Variants in CA13 observed in about 807,000 individuals in gnomAD.
CA13 encodes carbonic anhydrase 13.
Under a neutral mutation model 31.5 loss-of-function variants are expected in CA13, and 21 were observed. The ratio of observed to expected loss-of-function variants is 0.67; its 90% CI spans 0.47 to 0.96. The LOEUF (loss-of-function observed/expected upper bound fraction) is 0.96. Ranked by LOEUF, CA13 falls within the 40% of genes least tolerant of loss-of-function variation. The probability of loss-of-function intolerance (pLI) is 0.00; values close to 1 mark genes in which losing one functional copy is unlikely to be tolerated. For missense variants in CA13, 315 were observed against 318.9 expected (o/e 0.99, Z 0.09); for synonymous variants, 117 against 111.4 (o/e 1.05, Z -0.32).
chr8:85,248,590 G>T (rs554974817), intron 1 of CA13, among the ~76,000 whole-genome samples: 2 of 152,082 alleles, frequency 1.3e-5, no homozygotes, highest in Non-Finnish European at 2.9e-5. Flanking sequence ...GGGGGGACAA[G>T]GAGAAGGAGG....
intron 3 of CA13, among the ~76,000 whole-genome samples, chr8:85,260,830 C>T (rs1329571990): frequency 6.6e-6 from 1 of 152,188 alleles, no homozygotes; most frequent in African/African-American, 2.4e-5. Context: ...AAAGCGCCCT[C>T]GGAACTAATT....
At chr8:85,254,210 G>T (rs1056240133) in intron 2 of CA13, among the ~76,000 whole-genome samples, 2 of 150,306 alleles carry the variant, frequency 1.3e-5, no homozygotes, top group Non-Finnish European at 3.0e-5. Flanking sequence ...CCCAGGAGGC[G>T]CAGGTTGCAG....
rs369594146 is a variant in CA13 at position 85,245,823 on chromosome 8, G to C, written c.-6G>C. 1 of 1,614,102 alleles carries C rather than the reference G, an allele frequency of 6.2e-7. No homozygotes were observed. Among genetic ancestry groups the C allele is most frequent in the Non-Finnish European group, 8.5e-7 (1 of 1,179,992 alleles). ...CATCTTTCTCTTCCTTCCACCCCGAGGGACCATGTCGAGGCTCAGCTGGGG... is the reference window on the plus strand; with the variant it reads ...CATCTTTCTCTTCCTTCCACCCCGACGGACCATGTCGAGGCTCAGCTGGGG... On this transcript the variant is annotated 5_prime_UTR_variant, in exon 1 of 7. Coordinates refer to ENST00000321764, the MANE Select transcript of CA13 (RefSeq NM_198584.3).
At chr8:85,268,223 T>A (rs1243406864) in intron 5 of CA13, among the ~76,000 whole-genome samples, 1 of 152,222 alleles carries the variant, frequency 6.6e-6, no homozygotes, top group Non-Finnish European at 1.5e-5. Flanking sequence ...TTGTAACACA[T>A]TTAAGGGACC....
At chr8:85,272,826 C>A (rs535524984) in intron 6 of CA13, among the ~76,000 whole-genome samples, 1 of 151,552 alleles carries the variant, frequency 6.6e-6, no homozygotes, top group African/African-American at 2.4e-5. Context: ...CTTTTCTTTT[C>A]TTTTTGTTTC....
chr8:85,278,186 A>T (rs1418448064), intron 6 of CA13, among the ~76,000 whole-genome samples: 2 of 150,340 alleles, frequency 1.3e-5, no homozygotes, highest in South Asian at 2.1e-4. Flanking sequence ...GAATTGCTTG[A>T]ACCCAGGAGG....
intron 6 of CA13, among the ~76,000 whole-genome samples, chr8:85,274,738 T>A (rs1052717257): frequency 6.6e-6 from 1 of 152,182 alleles, no homozygotes; most frequent in South Asian, 2.1e-4. Flanking sequence ...CTAATTGTTC[T>A]ATTTAGCCTA....
intron 1 of CA13, chr8:85,246,452 T>A (rs756999547): frequency 1.1e-5 from 5 of 455,942 alleles, no homozygotes; most frequent in African/African-American, 8.0e-5. Context: ...TACTGGGGAC[T>A]TTAGTAAGGG....
At chr8:85,246,217 G>A in intron 1 of CA13, 1 of 476,516 alleles carries the variant, frequency 2.1e-6, no homozygotes, top group Non-Finnish European at 4.0e-6. Context: ...GAAGTCTGAT[G>A]ACACACTTCA....
intron 1 of CA13, 99 bp downstream of exon 1, chr8:85,245,964 T>C: frequency 7.3e-7 from 1 of 1,378,838 alleles, no homozygotes; most frequent in Non-Finnish European, 1.0e-6. Context: ...GGCTCGCACA[T>C]TGAGAAACTT....
chr8:85,246,049 A>G (rs1296073197), intron 1 of CA13, among the ~76,000 whole-genome samples, 184 bp downstream of exon 1: 2 of 152,228 alleles, frequency 1.3e-5, no homozygotes, highest in African/African-American at 4.8e-5. Context: ...TTGTCAGGGT[A>G]GACGGGTTGT....
intron 1 of CA13, among the ~76,000 whole-genome samples, chr8:85,246,802 A>G (rs965316777): frequency 1.3e-5 from 2 of 152,208 alleles, no homozygotes; most frequent in Non-Finnish European, 1.5e-5. Flanking sequence ...ATTTCAAAAC[A>G]TCATGTTGTA....
At chr8:85,257,191 A>G (rs1807313208) in intron 2 of CA13, among the ~76,000 whole-genome samples, 1 of 152,232 alleles carries the variant, frequency 6.6e-6, no homozygotes, top group South Asian at 2.1e-4. Flanking sequence ...GTGCTTTAAC[A>G]GGTGAGGTCT....
chr8:85,271,885 A>G (rs1432166271), intron 6 of CA13, among the ~76,000 whole-genome samples: 1 of 152,118 alleles, frequency 6.6e-6, no homozygotes, highest in African/African-American at 2.4e-5. Context: ...CCTGGTCAAC[A>G]TGGTAAAACC....
At chr8:85,258,324 T>G (rs887883277) in intron 2 of CA13, among the ~76,000 whole-genome samples, 2 of 152,172 alleles carry the variant, frequency 1.3e-5, no homozygotes, top group African/African-American at 4.8e-5. Context: ...TAAGATATGA[T>G]TTATTGTCAT....
At chr8:85,253,225 G>A (rs980711324) in intron 2 of CA13, among the ~76,000 whole-genome samples, 12 of 148,964 alleles carry the variant, frequency 8.1e-5, no homozygotes, top group African/African-American at 1.2e-4. Context: ...GATTACAGGC[G>A]TGAGCCACTG....
At chr8:85,262,724 G>A (rs1412573867) in intron 3 of CA13, among the ~76,000 whole-genome samples, 1 of 152,156 alleles carries the variant, frequency 6.6e-6, no homozygotes, top group Non-Finnish European at 1.5e-5. Context: ...GAGTGGCTAA[G>A]GGGAGCTTTG....
chr8:85,263,445 A>G (rs1033722780), intron 3 of CA13, among the ~76,000 whole-genome samples: 1 of 152,150 alleles, frequency 6.6e-6, no homozygotes, highest in Admixed American at 6.5e-5. Flanking sequence ...GAAAAACTAG[A>G]AGGTTATGGA....
At position 85,268,557 on chromosome 8, in the gene CA13, C is replaced by T. The variant is rs749624864; in HGVS notation, c.599C>T (p.Thr200Ile). The T allele has an allele frequency of 6.2e-7, 1 of 1,613,974 alleles. No individual in the cohort carries two copies. The highest frequency in any genetic ancestry group is 2.2e-5 in the East Asian group (1 of 44,864). Residue 200 changes from threonine to isoleucine, a missense_variant, in exon 6 of 7, where the codon ACA becomes ATA. Coordinates refer to ENST00000321764, the MANE Select transcript of CA13 (RefSeq NM_198584.3). ...TACTGGACATATCCTGGTTCTCTTACAGTTCCACCTCTTCTTGAGAGTGTC... is the reference window on the plus strand; with the variant it reads ...TACTGGACATATCCTGGTTCTCTTATAGTTCCACCTCTTCTTGAGAGTGTC... ...WDYWTYPGSL[T>I]VPPLLESVTW...
Sources: allele counts gnomAD v4.1 joint callset (sites outside exome capture counted in the v4.1 genomes callset), GRCh38; gene constraint gnomAD v4.1.1; transcripts MANE v1.5; gene names NCBI Gene and HGNC (gene_info 2026-07-23, HGNC 2026-07-21).